Variants in ANK3 observed in about 807,000 individuals in gnomAD.
ANK3 encodes the protein ankyrin 3, also known as ankyrin-3.
In ANK3, 57 loss-of-function variants were observed where a neutral mutation model predicts 370.9. The observed-to-expected ratio is 0.15, with a 90% CI of 0.12 to 0.19. ANK3 has a LOEUF of 0.19. Ranked by LOEUF, ANK3 falls within the 10% of genes least tolerant of loss-of-function variation. The probability of loss-of-function intolerance (pLI) is 1.00; values close to 1 mark genes in which losing one functional copy is unlikely to be tolerated. For synonymous variants in ANK3, 1,929 were observed against 1,946.3 expected (o/e 0.99, Z 0.23); for missense variants, 4,439 against 5,302.1 (o/e 0.84, Z 5.06).
At chr10:60,034,101 TTTTGG>T (rs2074364383) in intron 43 of ANK3, among the ~76,000 whole-genome samples, 1 of 145,098 alleles carries the variant, frequency 6.9e-6, no homozygotes. Flanking sequence ...TTGTTTTGTT[TTTTGG>T]TTTTTTTTTT....
rs550835089 is a variant in ANK3 at position 60,088,430 on chromosome 10, T to C, written c.3329-72A>G. The stretch of plus-strand genomic sequence containing the variant: ...CAACATACCTTAAGTCAAAATGATA[T>C]ATCTTTTTTTTTGAGATGGAGTTTC... On this transcript the variant is annotated intron_variant, in intron 28 of 43. Transcript: ENST00000280772. 4.9e-5 allele frequency: 66 copies of C among 1,356,422 alleles called. No individual in the cohort carries two copies. The African/African-American group carries it at 8.6e-4, about 18-fold the overall frequency. 84.0% of individuals were successfully genotyped at this position (1,356,422 alleles called of 1,614,324 possible).
intron 1 of ANK3, among the ~76,000 whole-genome samples, chr10:60,382,797 CTATATATATATATATATA>C (rs5785442): frequency 7.5e-6 from 1 of 133,744 alleles, no homozygotes; most frequent in Admixed American, 7.5e-5. Flanking sequence ...ATACCTAAAT[CTATATATATATATATATA>C]TATATATATA....
At chr10:60,331,569 A>C (rs985156180) in intron 1 of ANK3, among the ~76,000 whole-genome samples, 2 of 128,642 alleles carry the variant, frequency 1.6e-5, no homozygotes, top group Admixed American at 8.2e-5. Context: ...AAACAGCCTA[A>C]TTAAAAAAAA....
chr10:60,560,858 A>G (rs2077319752), intron 2 of ANK3, among the ~76,000 whole-genome samples: 1 of 152,230 alleles, frequency 6.6e-6, no homozygotes, highest in African/African-American at 2.4e-5. Context: ...GTAATTATAC[A>G]TAAAATCTTT....
intron 2 of ANK3, among the ~76,000 whole-genome samples, chr10:60,411,301 A>G (rs1316696735): frequency 1.3e-5 from 2 of 152,246 alleles, no homozygotes; most frequent in African/African-American, 4.8e-5. Context: ...CAGAATGTAC[A>G]ACTGGTTAGC....
chr10:60,144,224 C>T (rs752973450), intron 23 of ANK3: 2 of 443,010 alleles, frequency 4.5e-6, no homozygotes, highest in South Asian at 3.2e-5. Context: ...AATAGGTAAC[C>T]AAAACAAAAA....
upstream of ANK3, among the ~76,000 whole-genome samples, chr10:60,394,354 G>A (rs2063171994): frequency 6.6e-6 from 1 of 152,040 alleles, no homozygotes; most frequent in Non-Finnish European, 1.5e-5. Flanking sequence ...AACTGTGACT[G>A]GATAGCATTG....
chr10:60,091,513 A>G (rs1170351744), intron 28 of ANK3, among the ~76,000 whole-genome samples: 8 of 133,694 alleles, frequency 6.0e-5, no homozygotes, highest in Non-Finnish European at 1.3e-4. Context: ...GTGAGGGACT[A>G]GAATGTGACC....
intron 21 of ANK3, among the ~76,000 whole-genome samples, chr10:60,169,370 T>TTTG (rs1565438976): frequency 6.7e-6 from 1 of 149,214 alleles, no homozygotes; most frequent in Admixed American, 6.6e-5. Flanking sequence ...CATAGTTTTT[T>TTTG]TTTTTTTTTT....
rs548882781 is a variant in ANK3, at chr10:60,403,173, T to C, written c.97-123534A>G. On this transcript the variant is annotated intron_variant, in intron 2 of 43. Transcript: ENST00000373827. ...AAAAGGAAAATCTAAGGAGCCTATG[T>C]AGAAATTGAAATTACTACAAAAACA... 2.6e-5 allele frequency among the ~76,000 whole-genome samples: 4 copies of C among 152,328 alleles called. No individual in the cohort carries two copies. In the South Asian group the frequency reaches 6.2e-4, roughly 24 times the overall value.
chr10:60,098,510 C>T (rs1420554889), intron 28 of ANK3, among the ~76,000 whole-genome samples: 1 of 152,118 alleles, frequency 6.6e-6, no homozygotes, highest in African/African-American at 2.4e-5. Context: ...TAGAAAACTA[C>T]AGGCATTTAT....
At chr10:60,129,321 G>C (rs1038826936) in intron 25 of ANK3, among the ~76,000 whole-genome samples, 1 of 152,184 alleles carries the variant, frequency 6.6e-6, no homozygotes, top group Admixed American at 6.5e-5. Flanking sequence ...AAGAGCCACA[G>C]GTAATTCCAT....
intron 8 of ANK3, among the ~76,000 whole-genome samples, chr10:60,226,573 T>TATACATA (rs1491139456): frequency 5.3e-4 from 11 of 20,908 alleles, no homozygotes; most frequent in East Asian, 0.012. Flanking sequence ...ACATAGTATA[T>TATACATA]GTATATATAC....
intron 28 of ANK3, among the ~76,000 whole-genome samples, chr10:60,097,924 G>T (rs897858602): frequency 1.3e-5 from 2 of 152,146 alleles, no homozygotes; most frequent in African/African-American, 4.8e-5. Flanking sequence ...TAAGAATGGG[G>T]TATTTGATAT....
At chr10:60,715,722 T>A (rs2079777107) in intron 1 of ANK3, among the ~76,000 whole-genome samples, 1 of 152,208 alleles carries the variant, frequency 6.6e-6, no homozygotes, top group South Asian at 2.1e-4. Flanking sequence ...AAATGGTAGG[T>A]TTTGCATATT....
At chr10:60,627,160 G>A (rs2078422686) in intron 1 of ANK3, among the ~76,000 whole-genome samples, 1 of 152,102 alleles carries the variant, frequency 6.6e-6, no homozygotes, top group South Asian at 2.1e-4. Flanking sequence ...AATCAGAGGT[G>A]TAGATTAGCT....
intron 2 of ANK3, among the ~76,000 whole-genome samples, chr10:60,511,905 T>C (rs188848947): frequency 1.3e-5 from 2 of 152,108 alleles, no homozygotes; most frequent in East Asian, 3.9e-4. Context: ...CAGAGACATT[T>C]AAAGGTCTCA....
chr10:60,651,719 T>C (rs1339386936), intron 1 of ANK3, among the ~76,000 whole-genome samples: 2 of 152,170 alleles, frequency 1.3e-5, no homozygotes, highest in Non-Finnish European at 2.9e-5. Flanking sequence ...ATAGAGATAA[T>C]GAGAGTATCT....
chr10:60,398,973 A>G (rs1220500844), intron 2 of ANK3, among the ~76,000 whole-genome samples: 2 of 152,196 alleles, frequency 1.3e-5, no homozygotes, highest in East Asian at 3.9e-4. Context: ...TATACGACAC[A>G]TATCTTACTT....
Sources: allele counts gnomAD v4.1 joint callset (sites outside exome capture counted in the v4.1 genomes callset), GRCh38; gene constraint gnomAD v4.1.1; transcripts MANE v1.5; gene names NCBI Gene and HGNC (gene_info 2026-07-23, HGNC 2026-07-21).